The following ARL6IP5 variants were observed in gnomAD, a reference collection of about 807,000 sequenced individuals.
The protein encoded by ARL6IP5 is PRA1 family protein 3.
In ARL6IP5, 6 loss-of-function variants were observed where a neutral mutation model predicts 13.0. The observed-to-expected ratio is 0.46, with a 90% CI of 0.25 to 0.91. The LOEUF (loss-of-function observed/expected upper bound fraction) is 0.91. Ranked by LOEUF, ARL6IP5 falls within the 40% of genes least tolerant of loss-of-function variation. The probability of loss-of-function intolerance (pLI) is 0.17; values close to 1 mark genes in which losing one functional copy is unlikely to be tolerated. For missense variants in ARL6IP5, 208 were observed against 248.8 expected, an observed-to-expected ratio of 0.84 and a Z score of 1.10; for synonymous variants, 91 against 91.9, an observed-to-expected ratio of 0.99 and a Z score of 0.06.
At chr3:69,097,400 C>T (rs1559654001) in intron 1 of ARL6IP5, among the ~76,000 whole-genome samples, 2 of 151,420 alleles carry the variant, frequency 1.3e-5, no homozygotes, top group Non-Finnish European at 2.9e-5. Context: ...CCTCAAACTC[C>T]TGGGCTCAAG....
In ARL6IP5 at chr3:69,104,480, A is replaced by G; in HGVS notation, c.411A>G (p.Ala137=). 3 of 1,613,830 alleles carry G rather than the reference A, an allele frequency of 1.9e-6. No homozygotes were observed. The highest frequency in any genetic ancestry group is 2.5e-6 in the Non-Finnish European group (3 of 1,179,824). The change falls in exon 3 of 3, where the codon GCA becomes GCG. Residue 137 remains alanine (A), a synonymous_variant. Coordinates refer to ENST00000273258, the MANE Select transcript of ARL6IP5 (RefSeq NM_006407.4). ...TCTCTGCAGTGATGTTTATCCATGC[A>G]TCGTTGAGACTTCGGAACCTCAAGA... is the stretch of plus-strand genomic sequence containing the variant. ...TFPLLLMFIH[A]SLRLRNLKNK... is the part of the protein sequence containing the mutation.
At chr3:69,094,832 G>T (rs1055163500) in intron 1 of ARL6IP5, among the ~76,000 whole-genome samples, 1 of 152,120 alleles carries the variant, frequency 6.6e-6, no homozygotes, top group Non-Finnish European at 1.5e-5. Flanking sequence ...GCTTGCTTAC[G>T]TGTAAAATGA....
intron 1 of ARL6IP5, among the ~76,000 whole-genome samples, chr3:69,089,227 G>A (rs2092257309): frequency 6.6e-6 from 1 of 152,098 alleles, no homozygotes; most frequent in Non-Finnish European, 1.5e-5. Flanking sequence ...TATAGTTCTT[G>A]GCAGGGTCCA....
At chr3:69,087,760 C>G (rs1449700983) in intron 1 of ARL6IP5, among the ~76,000 whole-genome samples, 1 of 151,316 alleles carries the variant, frequency 6.6e-6, no homozygotes, top group Non-Finnish European at 1.5e-5. Flanking sequence ...GTTTTTAAAA[C>G]TTATCCTTAT....
intron 1 of ARL6IP5, among the ~76,000 whole-genome samples, chr3:69,100,566 C>T (rs985219603): frequency 1.1e-4 from 17 of 151,904 alleles, no homozygotes; most frequent in African/African-American, 3.4e-4. Context: ...GATCACTTGA[C>T]GCCAGGAGTT....
chr3:69,090,279 G>A (rs2092261191), intron 1 of ARL6IP5, among the ~76,000 whole-genome samples: 1 of 152,188 alleles, frequency 6.6e-6, no homozygotes, highest in African/African-American at 2.4e-5. Flanking sequence ...AGATTAGTCA[G>A]CTTCAACACC....
chr3:69,093,935 C>T (rs938415560), intron 1 of ARL6IP5, among the ~76,000 whole-genome samples: 1 of 152,032 alleles, frequency 6.6e-6, no homozygotes, highest in African/African-American at 2.4e-5. Flanking sequence ...GCTTGAGTGA[C>T]AGAGGAAGAA....
chr3:69,102,596 C>G (rs2092309407), intron 2 of ARL6IP5, among the ~76,000 whole-genome samples: 1 of 152,146 alleles, frequency 6.6e-6, no homozygotes, highest in Admixed American at 6.5e-5. Flanking sequence ...CAACAGTAAA[C>G]AGAACAAAGA....
chr3:69,092,558 C>T (rs1293491114), intron 1 of ARL6IP5, among the ~76,000 whole-genome samples: 2 of 152,208 alleles, frequency 1.3e-5, no homozygotes, highest in Non-Finnish European at 2.9e-5. Context: ...ACAACCTCTG[C>T]CTCCCAGGTT....
intron 2 of ARL6IP5, among the ~76,000 whole-genome samples, chr3:69,103,515 C>T (rs2092312591): frequency 6.6e-6 from 1 of 152,072 alleles, no homozygotes; most frequent in East Asian, 1.9e-4. Context: ...ACAGTGGTAC[C>T]CAAGGATGTT....
intron 2 of ARL6IP5, 77 bp from the exon 3 acceptor site, chr3:69,104,387 G>A: frequency 1.4e-6 from 2 of 1,428,912 alleles, no homozygotes; most frequent in Admixed American, 3.8e-5. Flanking sequence ...CTAATAGTGT[G>A]AAGAGAGGGA....
chr3:69,092,393 C>T (rs2092270763), intron 1 of ARL6IP5, among the ~76,000 whole-genome samples: 1 of 152,158 alleles, frequency 6.6e-6, no homozygotes, highest in Admixed American at 6.5e-5. Context: ...TGTTACCAAG[C>T]TCGTTAGCAT....
chr3:69,101,042 A>G (rs56393216), intron 1 of ARL6IP5, among the ~76,000 whole-genome samples: 3,950 of 152,186 alleles, frequency 0.026, 76 homozygotes, highest in East Asian at 0.041. Context: ...AAGTTTTTTA[A>G]AACACTGTAC....
chr3:69,101,374 G>A (rs1323787979), intron 1 of ARL6IP5, among the ~76,000 whole-genome samples: 1 of 145,014 alleles, frequency 6.9e-6, no homozygotes, highest in East Asian at 2.2e-4. Context: ...CCAGCCAGGA[G>A]TGCAGTGGGG....
chr3:69,103,856 C>G (rs149605261), intron 2 of ARL6IP5, among the ~76,000 whole-genome samples: 1 of 152,100 alleles, frequency 6.6e-6, no homozygotes, highest in Non-Finnish European at 1.5e-5. Flanking sequence ...CTTTAAGGCT[C>G]AGGTGGAGGA....
intron 1 of ARL6IP5, among the ~76,000 whole-genome samples, chr3:69,099,050 A>T (rs1010752240): frequency 6.8e-6 from 1 of 147,830 alleles, no homozygotes; most frequent in East Asian, 2.0e-4. Context: ...TTATTATTGT[A>T]GAGTTTAGTT....
rs1467406742 is a variant in ARL6IP5, at chr3:69,103,619, C to A, written c.395-845C>A. Among the ~76,000 whole-genome samples, 3 of 152,164 alleles carry A rather than the reference C, an allele frequency of 2.0e-5. No individual in the cohort carries two copies. In the East Asian group the frequency reaches 5.8e-4, roughly 29 times the overall value. The stretch of plus-strand genomic sequence containing the variant: ...CATCAGGGTTTTTCAAAATAAGGGT[C>A]CAAGATCCACCTACATCAGAATCAT... On this transcript the variant is annotated intron_variant, in intron 2 of 2. Transcript: ENST00000273258.
chr3:69,095,239 G>A (rs2092283307), intron 1 of ARL6IP5, among the ~76,000 whole-genome samples: 2 of 152,202 alleles, frequency 1.3e-5, no homozygotes, highest in South Asian at 4.2e-4. Context: ...TTTGAAGACT[G>A]CTACAAAATT....
chr3:69,090,563 C>G (rs1289714122), intron 1 of ARL6IP5, among the ~76,000 whole-genome samples: 1 of 152,220 alleles, frequency 6.6e-6, no homozygotes, highest in Non-Finnish European at 1.5e-5. Flanking sequence ...ACTCCAAATT[C>G]CAAATCTCTC....
Sources: allele counts gnomAD v4.1 joint callset (sites outside exome capture counted in the v4.1 genomes callset), GRCh38; gene constraint gnomAD v4.1.1; transcripts MANE v1.5; gene names NCBI Gene and HGNC (gene_info 2026-07-23, HGNC 2026-07-21).